Variants in IGDCC4 observed in about 807,000 individuals in gnomAD.
The protein encoded by IGDCC4 is immunoglobulin superfamily DCC subclass member 4.
In IGDCC4, 72 loss-of-function variants were observed where a neutral mutation model predicts 116.6. The ratio of observed to expected loss-of-function variants is 0.62; its 90% CI spans 0.51 to 0.75. The LOEUF (loss-of-function observed/expected upper bound fraction) is 0.75. Among genes scored for constraint, IGDCC4 ranks in the 30% least tolerant of loss-of-function variants. IGDCC4 has a pLI of 0.00. For synonymous variants in IGDCC4, 709 were observed against 719.9 expected (o/e 0.98, Z 0.24); for missense variants, 1,501 against 1,662.4 (o/e 0.90, Z 1.69).
At chr15:65,407,038 C>T (rs983263777) in intron 3 of IGDCC4, among the ~76,000 whole-genome samples, 11 of 152,006 alleles carry the variant, frequency 7.2e-5, no homozygotes, top group African/African-American at 1.2e-4. Flanking sequence ...TCACAGGTTC[C>T]GCACCCAGCC....
rs932227171 is a variant in IGDCC4 at position 65,393,288 on chromosome 15, G to A, written c.1885+73C>T. On this transcript the variant is annotated intron_variant, in intron 10 of 19. Coordinates refer to ENST00000352385, the MANE Select transcript of IGDCC4 (RefSeq NM_020962.3). This position sits in a 1 kb window ranked among gnomAD's most constrained non-coding sequence, Gnocchi z 4.6. ...GGAGGGCGGGGCCAGGGGGTGGGGCGCTGGGTCCCAAGGACACACGCACAC... is the reference window on the plus strand; with the variant it reads ...GGAGGGCGGGGCCAGGGGGTGGGGCACTGGGTCCCAAGGACACACGCACAC... 49 of 1,448,354 alleles carry A rather than the reference G, an allele frequency of 3.4e-5. No homozygotes were observed. The highest frequency in any genetic ancestry group is 5.1e-5 in the East Asian group (2 of 39,176). The allele number at this position is 1,448,354 out of a possible 1,614,324, so 89.7% of individuals were successfully genotyped here.
At chr15:65,398,718 A>C (rs111868058) in intron 5 of IGDCC4, among the ~76,000 whole-genome samples, 2,896 of 151,878 alleles carry the variant, frequency 0.019, 100 homozygotes, top group African/African-American at 0.065. Flanking sequence ...GGTGAAACCC[A>C]GTCTCTACTA....
At chr15:65,413,063 T>C (rs1395400563) in intron 1 of IGDCC4, among the ~76,000 whole-genome samples, 1 of 148,286 alleles carries the variant, frequency 6.7e-6, no homozygotes, top group East Asian at 2.0e-4. Context: ...TGTGTGTGAA[T>C]ACTATATATT....
chr15:65,415,840 A>G (rs1447942380), intron 1 of IGDCC4, among the ~76,000 whole-genome samples: 1 of 152,068 alleles, frequency 6.6e-6, no homozygotes, highest in Admixed American at 6.6e-5. Context: ...GGCTGCTCCT[A>G]CCTTCCCCAG....
intron 3 of IGDCC4, among the ~76,000 whole-genome samples, chr15:65,408,071 T>C (rs1377313358): frequency 6.6e-6 from 1 of 152,222 alleles, no homozygotes; most frequent in African/African-American, 2.4e-5. Context: ...CCCAGCCATA[T>C]TGATATGAAT....
chr15:65,402,235 G>T, intron 4 of IGDCC4, 116 bp downstream of exon 4: 1 of 1,216,898 alleles, frequency 8.2e-7, no homozygotes, highest in Non-Finnish European at 1.1e-6. Flanking sequence ...CAGTCAATGG[G>T]ACTAACATTT....
Position 65,388,603 on chromosome 15 carries a change from C to A in IGDCC4, c.2708-17G>T, listed in dbSNP as rs2091483546. On this transcript the variant is annotated splice_polypyrimidine_tract_variant and intron_variant, in intron 15 of 19. Transcript: ENST00000352385. ...AGATGTTTCCTGGGGGTGAGGGAGG[C>A]AGGGAGAGCAGGGATGGTGGATGGG... 3.1e-6 allele frequency: 5 copies of A among 1,613,572 alleles called. No individual in the cohort carries two copies. Among genetic ancestry groups the A allele is most frequent in the Non-Finnish European group, 4.2e-6 (5 of 1,179,980 alleles).
Position 65,402,387 on chromosome 15 carries a change from A to G in IGDCC4, c.664T>C (p.Phe222Leu). 1 of 1,571,038 alleles carries G rather than the reference A, an allele frequency of 6.4e-7. No individual in the cohort carries two copies. Among genetic ancestry groups the G allele is most frequent in the Middle Eastern group, 1.7e-4 (1 of 6,016 alleles). ...CVATNSARQH[F>L]SQEALLSVAH... ...ACACTGAGTAGGGCCTCCTGGCTGA[A>G]GTGCTGGCGAGCTGAGTTGGTGGCC... Residue 222 changes from phenylalanine (F) to leucine (L), a missense_variant, in exon 4 of 20, where the codon TTC (phenylalanine) becomes CTC (leucine). Phe to Leu is a conservative substitution (Grantham distance 22). Around this residue, in one of 3 missense-constraint regions of IGDCC4, gnomAD observed 898 missense variants for 978.9 expected, o/e 0.92. Coordinates refer to ENST00000352385, the MANE Select transcript of IGDCC4 (RefSeq NM_020962.3).
chr15:65,417,838 C>T lies in IGDCC4; in HGVS notation c.70+4955G>A, dbSNP rs373245356. Among the ~76,000 whole-genome samples, 33 of 152,232 alleles carry T rather than the reference C, an allele frequency of 2.2e-4. No homozygotes were observed. The East Asian group carries it at 3.9e-3, about 18-fold the overall frequency. ...CTCGAACTCCTGACCTCAAGTGATCCGCCCACCTTGGCCTCCCAAAGTGCT... is the reference window on the plus strand; with the variant it reads ...CTCGAACTCCTGACCTCAAGTGATCTGCCCACCTTGGCCTCCCAAAGTGCT... On this transcript the variant is annotated intron_variant, in intron 1 of 19. Transcript: ENST00000352385.
rs760024266 is a variant in IGDCC4, at chr15:65,390,355, A to G, written c.2225-17T>C. On this transcript the variant is annotated splice_polypyrimidine_tract_variant and intron_variant, in intron 12 of 19. Transcript: ENST00000352385. ...TAGGCATGTCTGAAAGGTGAAAACT[A>G]GAGTGTGAGGAAGGGAGGGAGGATA... is the stretch of plus-strand genomic sequence containing the variant. 16 of 1,566,842 alleles carry G rather than the reference A, an allele frequency of 1.0e-5. No homozygotes were observed. The highest frequency in any genetic ancestry group is 1.2e-5 in the Non-Finnish European group (14 of 1,145,746).
At position 65,393,834 on chromosome 15, in the gene IGDCC4, G is replaced by A. The variant is rs140343267; in HGVS notation, c.1715-303C>T. 2.6e-4 allele frequency among the ~76,000 whole-genome samples: 39 copies of A among 152,206 alleles called. No individual in the cohort carries two copies. In the East Asian group the frequency reaches 5.6e-3, roughly 22 times the overall value. On this transcript the variant is annotated intron_variant, in intron 9 of 19. Transcript: ENST00000352385. This position sits in a 1 kb window ranked among gnomAD's most constrained non-coding sequence, Gnocchi z 4.6. ...ATCCCCTGCCAACACACACACACAC[G>A]GGATGCAGACACAAGAGGCTGACCA... is the stretch of plus-strand genomic sequence containing the variant.
At chr15:65,413,380 C>T (rs2063116044) in intron 1 of IGDCC4, among the ~76,000 whole-genome samples, 1 of 152,104 alleles carries the variant, frequency 6.6e-6, no homozygotes, top group South Asian at 2.1e-4. Flanking sequence ...ACTCAGGTCT[C>T]CTGACTCAAT....
chr15:65,404,682 A>AATG (rs2063023484), intron 3 of IGDCC4, among the ~76,000 whole-genome samples: 3 of 152,056 alleles, frequency 2.0e-5, no homozygotes, highest in African/African-American at 7.3e-5. Context: ...TGAATGAATG[A>AATG]ATGAATGAAC....
intron 3 of IGDCC4, among the ~76,000 whole-genome samples, chr15:65,404,247 A>G (rs902074180): frequency 6.6e-6 from 1 of 152,214 alleles, no homozygotes; most frequent in Non-Finnish European, 1.5e-5. Context: ...TCTTTCCTGC[A>G]TCACACAGGC....
intron 1 of IGDCC4, among the ~76,000 whole-genome samples, chr15:65,421,495 G>C (rs1424331202): frequency 6.6e-6 from 1 of 152,156 alleles, no homozygotes; most frequent in Non-Finnish European, 1.5e-5. Context: ...GGAAAGGGGC[G>C]TGTCTTTGTA....
At chr15:65,409,538 C>T (rs553805431) in intron 3 of IGDCC4, among the ~76,000 whole-genome samples, 58 of 152,314 alleles carry the variant, frequency 3.8e-4, no homozygotes, top group Non-Finnish European at 6.9e-4. Context: ...GCTGCATACA[C>T]ATCTGGACCT....
chr15:65,403,431 T>C (rs1227698696), intron 3 of IGDCC4, among the ~76,000 whole-genome samples: 1 of 152,174 alleles, frequency 6.6e-6, no homozygotes, highest in African/African-American at 2.4e-5. Context: ...TATATCCTTG[T>C]ATACAGTTGG....
intron 1 of IGDCC4, among the ~76,000 whole-genome samples, chr15:65,422,226 C>A (rs772118639): frequency 8.5e-5 from 13 of 152,070 alleles, no homozygotes; most frequent in Non-Finnish European, 1.8e-4. Flanking sequence ...TCACCACCAC[C>A]CCCAGTCAAA....
intron 1 of IGDCC4, among the ~76,000 whole-genome samples, chr15:65,418,821 G>T (rs865971867): frequency 2.6e-5 from 4 of 151,848 alleles, no homozygotes; most frequent in South Asian, 4.2e-4. Context: ...ATAGAAAGAG[G>T]TGGGGGGGGT....
Sources: gnomAD v4.1 joint callset for allele counts (sites outside exome capture counted in the v4.1 genomes callset) on GRCh38, gnomAD v4.1.1 for gene constraint, gnomAD v4.1.1 regional missense constraint, Gnocchi (gnomAD v3.1) non-coding constraint, MANE v1.5 for transcripts, NCBI Gene and HGNC (gene_info 2026-07-23, HGNC 2026-07-21) for gene names.